EIF4B: variants seen among roughly 807,000 people sequenced by gnomAD.
EIF4B encodes eukaryotic translation initiation factor 4B.
EIF4B carries 8 observed loss-of-function variants against 79.3 expected under a neutral mutation model. The observed-to-expected ratio is 0.10, with a 90% CI of 0.06 to 0.18. The LOEUF (loss-of-function observed/expected upper bound fraction) is 0.18. EIF4B is among the 10% of genes least tolerant of loss of function. The probability of loss-of-function intolerance (pLI) is 1.00; values close to 1 mark genes in which losing one functional copy is unlikely to be tolerated. For missense variants in EIF4B, 515 were observed against 792.4 expected (o/e 0.65, Z 4.20); for synonymous variants, 238 against 274.7 (o/e 0.87, Z 1.32).
In EIF4B at chr12:53,039,499, A is replaced by G. The variant is rs185144788; in HGVS notation, c.1683-131A>G. The G allele has an allele frequency of 6.5e-5, 83 of 1,279,080 alleles. No individual in the cohort carries two copies. In the African/African-American group the frequency reaches 1.1e-3, roughly 17 times the overall value. 79.2% of individuals were successfully genotyped at this position (1,279,080 alleles called of 1,614,324 possible). On this transcript the variant is annotated intron_variant, in intron 13 of 14. Coordinates refer to ENST00000262056, the MANE Select transcript of EIF4B (RefSeq NM_001417.7). ...TTAAGATTCTGAAAATCTAGAAGTA[A>G]TACATCATCCAGACAACAAGGACTG...
chr12:53,028,068 A>G lies in EIF4B; in HGVS notation c.859A>G (p.Arg287Gly), dbSNP rs1943370505. ...GRRAFGSGYR[R>G]DDDYRGGGDR... is the part of the protein sequence containing the mutation. Reference sequence around the variant, plus strand: ...AAGAGCATTTGGCAGTGGGTATCGCAGGGATGATGACTACAGAGGAGGCGG... The same window carrying G: ...AAGAGCATTTGGCAGTGGGTATCGCGGGGATGATGACTACAGAGGAGGCGG... Residue 287 changes from arginine to glycine, a missense_variant, in exon 8 of 15, where the codon AGG becomes GGG. Transcript: ENST00000262056. The G allele has an allele frequency of 2.5e-6, 4 of 1,613,742 alleles. No individual in the cohort carries two copies. Among genetic ancestry groups the G allele is most frequent in the Admixed American group, 1.7e-5 (1 of 59,930 alleles).
At chr12:53,038,149 A>C in intron 11 of EIF4B, 1 of 421,678 alleles carries the variant, frequency 2.4e-6, no homozygotes, top group South Asian at 3.9e-5. Flanking sequence ...CTAATCCTGC[A>C]TGATGTGATG....
In EIF4B at chr12:53,018,759, A is replaced by G. The variant is rs770263586; in HGVS notation, c.152-39A>G. ...CTTGTTCTATGACAGTAGTGAGAGA[A>G]GTTTCTTCTAATTTCTTACATTCAT... is the stretch of plus-strand genomic sequence containing the variant. On this transcript the variant is annotated intron_variant, in intron 2 of 14. Transcript: ENST00000262056. The G allele has an allele frequency of 6.9e-6, 11 of 1,605,072 alleles. No individual in the cohort carries two copies. In the South Asian group the frequency reaches 1.2e-4, roughly 18 times the overall value.
chr12:53,015,851 G>T (rs1168953910), intron 1 of EIF4B, among the ~76,000 whole-genome samples: 1 of 151,608 alleles, frequency 6.6e-6, no homozygotes, highest in African/African-American at 2.4e-5. Context: ...GGTGGCGGGT[G>T]CCTGTAATCC....
At chr12:53,013,244 C>T (rs995782220) in intron 1 of EIF4B, among the ~76,000 whole-genome samples, 1 of 152,152 alleles carries the variant, frequency 6.6e-6, no homozygotes, top group African/African-American at 2.4e-5. Flanking sequence ...TTTTGTTGAA[C>T]TTGACCTTAT....
At chr12:53,009,065 C>A (rs1943018732) in intron 1 of EIF4B, among the ~76,000 whole-genome samples, 1 of 152,104 alleles carries the variant, frequency 6.6e-6, no homozygotes, top group Admixed American at 6.6e-5. Flanking sequence ...CGAAGTTTTT[C>A]ATTTTTCTTA....
chr12:53,039,601 G>A (rs781061369), intron 13 of EIF4B, 29 bp from the exon 14 acceptor site: 1 of 1,612,504 alleles, frequency 6.2e-7, no homozygotes, highest in Non-Finnish European at 8.5e-7. Flanking sequence ...CTTTCCTAAA[G>A]ACATGGTTTT....
intron 14 of EIF4B, 123 bp downstream of exon 14, chr12:53,039,825 T>C (rs1943600717): frequency 6.4e-6 from 7 of 1,094,448 alleles, no homozygotes; most frequent in Non-Finnish European, 6.5e-6. Flanking sequence ...CTTCTTTCCA[T>C]TTGGAATACA....
At chr12:53,022,002 G>T in intron 5 of EIF4B, 142 bp downstream of exon 5, 1 of 940,708 alleles carries the variant, frequency 1.1e-6, no homozygotes, top group East Asian at 2.6e-5. Flanking sequence ...TGCCCCACAG[G>T]GGACTTCTGG....
intron 2 of EIF4B, among the ~76,000 whole-genome samples, chr12:53,018,285 G>A (rs560684881): frequency 6.6e-6 from 1 of 152,266 alleles, no homozygotes; most frequent in Admixed American, 6.5e-5. Context: ...ACCGAGCCAG[G>A]CCTGTTGTTG....
At chr12:53,026,519 T>G (rs1486238523) in intron 6 of EIF4B, among the ~76,000 whole-genome samples, 2 of 152,250 alleles carry the variant, frequency 1.3e-5, no homozygotes, top group Non-Finnish European at 1.5e-5. Flanking sequence ...GAAATTAAAT[T>G]GTTGGTCAAG....
Position 53,016,510 on chromosome 12 carries a change from A to G in EIF4B, c.51A>G (p.Leu17=). The G allele has an allele frequency of 6.2e-7, 1 of 1,613,144 alleles. No homozygotes were observed. Among genetic ancestry groups the G allele is most frequent in the Non-Finnish European group, 8.5e-7 (1 of 1,179,862 alleles). ...KKNKKGKTIS[L]TDFLAEDGGT... ...ATAAGAAGGGGAAGACTATCTCCCT[A>G]ACAGACTTTCTGGCTGAGGATGGGG... Residue 17 remains leucine, a synonymous_variant, in exon 2 of 15, where the codon CTA becomes CTG. Transcript: ENST00000262056.
At chr12:53,031,461 A>G (rs1231468269) in intron 8 of EIF4B, among the ~76,000 whole-genome samples, 1 of 152,140 alleles carries the variant, frequency 6.6e-6, no homozygotes, top group Admixed American at 6.5e-5. Context: ...TTTTTTCTAA[A>G]GATGGGGTTT....
At position 53,016,597 on chromosome 12, in the gene EIF4B, C is replaced by T. The variant is rs746398193; in HGVS notation, c.138C>T (p.Asp46=). Residue 46 remains aspartate (D), a synonymous_variant, in exon 2 of 15, where the codon GAC becomes GAT. Coordinates refer to ENST00000262056, the MANE Select transcript of EIF4B (RefSeq NM_001417.7). ...KPVSWADETD[D]LEGDVSTTWH... The stretch of plus-strand genomic sequence containing the variant: ...TCAGCTGGGCTGATGAAACGGATGA[C>T]CTGGAAGGAGATGGTAACTTTTCTT... 1.3e-6 allele frequency: 2 copies of T among 1,585,670 alleles called. No individual in the cohort carries two copies. Among genetic ancestry groups the T allele is most frequent in the East Asian group, 2.3e-5 (1 of 44,214 alleles).
intron 1 of EIF4B, among the ~76,000 whole-genome samples, chr12:53,006,851 A>C (rs1942969477): frequency 6.6e-6 from 1 of 151,046 alleles, no homozygotes; most frequent in Admixed American, 6.6e-5. Flanking sequence ...GCGTGGAGGA[A>C]GGAAGGAGGC....
At chr12:53,014,859 C>T (rs575331897) in intron 1 of EIF4B, 1 of 152,278 alleles carries the variant, frequency 6.6e-6, no homozygotes, top group South Asian at 2.1e-4. Flanking sequence ...CATGTAGTGG[C>T]TGCTATCAGG....
chr12:53,014,542 G>C (rs1309908205), intron 1 of EIF4B: 1 of 152,106 alleles, frequency 6.6e-6, no homozygotes, highest in East Asian at 1.9e-4. Flanking sequence ...GGTCAACTTT[G>C]ATTATTTTAG....
rs370915088 is a variant in EIF4B at position 53,034,660 on chromosome 12, G to C, written c.1257G>C (p.Arg419Ser). 3 of 1,613,888 alleles carry C rather than the reference G, an allele frequency of 1.9e-6. No homozygotes were observed. In the African/African-American group the frequency reaches 4.0e-5, roughly 22 times the overall value. ...SEETQERERS[R>S]TGSESSQTGT... ...AAACTCAGGAACGGGAACGGTCGAG[G>C]ACAGGAAGTGAGTCATCACAAACTG... The change falls in exon 10 of 15, where the codon AGG (arginine) becomes AGC (serine). Residue 419 changes from arginine (R) to serine (S), a missense_variant. Arg to Ser is a moderately radical substitution (Grantham distance 110). Around this residue, in one of 6 missense-constraint regions of EIF4B, gnomAD observed 146 missense variants for 228.0 expected, o/e 0.64. Coordinates refer to ENST00000262056, the MANE Select transcript of EIF4B (RefSeq NM_001417.7).
At position 53,022,989 on chromosome 12, in the gene EIF4B, C is replaced by A. The variant is rs145015933; in HGVS notation, c.667+362C>A. On this transcript the variant is annotated intron_variant, in intron 6 of 14. Coordinates refer to ENST00000262056, the MANE Select transcript of EIF4B (RefSeq NM_001417.7). ...GAGCAGCCTGGGCGACAAAACAAGA[C>A]CCTGTCTACCAAAAAGAAAAAGAAA... Among the ~76,000 whole-genome samples the A allele has an allele frequency of 2.8e-3, 422 of 152,082 alleles. 10 individuals carry two copies. Among genetic ancestry groups the A allele is most frequent in the East Asian group, 6.6e-3 (34 of 5,176 alleles).
Sources: gnomAD v4.1 joint callset for allele counts (sites outside exome capture counted in the v4.1 genomes callset) on GRCh38, gnomAD v4.1.1 for gene constraint, gnomAD v4.1.1 regional missense constraint, MANE v1.5 for transcripts, NCBI Gene and HGNC (gene_info 2026-07-23, HGNC 2026-07-21) for gene names.